Variants in PPM1E observed in about 807,000 individuals in gnomAD.
The protein encoded by PPM1E is protein phosphatase 1E.
In PPM1E, 20 loss-of-function variants were observed where a neutral mutation model predicts 65.9. That is an observed-to-expected ratio of 0.30 (90% CI 0.21 to 0.44). The LOEUF (loss-of-function observed/expected upper bound fraction) is 0.44, where lower values mean the gene tolerates loss of function less well. Ranked by LOEUF, PPM1E falls within the 20% of genes least tolerant of loss-of-function variation. The pLI, the probability that PPM1E is intolerant of heterozygous loss-of-function variation, is 1.00. For missense variants in PPM1E, 713 were observed against 953.1 expected (o/e 0.75, Z 3.32); for synonymous variants, 352 against 374.9 (o/e 0.94, Z 0.70).
chr17:58,818,841 C>T (rs1158464116), intron 1 of PPM1E, among the ~76,000 whole-genome samples: 1 of 152,174 alleles, frequency 6.6e-6, no homozygotes, highest in Non-Finnish European at 1.5e-5. Context: ...GTACTCAACA[C>T]GTATTTGCTG....
intron 1 of PPM1E, among the ~76,000 whole-genome samples, chr17:58,947,163 G>T (rs1328941760): frequency 9.1e-6 from 1 of 109,626 alleles, no homozygotes; most frequent in African/African-American, 3.6e-5. Context: ...TGTTGCCCAG[G>T]CTTGAGTGTG....
chr17:58,965,522 G>A (rs557360341), intron 2 of PPM1E, among the ~76,000 whole-genome samples, 172 bp from the exon 3 acceptor site: 1 of 152,236 alleles, frequency 6.6e-6, no homozygotes, highest in South Asian at 2.1e-4. Flanking sequence ...CCACTAGATA[G>A]GTTGTGATTT....
intron 1 of PPM1E, among the ~76,000 whole-genome samples, chr17:58,816,996 G>A (rs1054263389): frequency 4.6e-5 from 7 of 151,210 alleles, no homozygotes; most frequent in Non-Finnish European, 1.0e-4. Context: ...ATTTTGCCAT[G>A]TTGCCCAGGC....
intron 1 of PPM1E, among the ~76,000 whole-genome samples, chr17:58,891,317 A>ATTT (rs1372647275): frequency 1.3e-5 from 2 of 151,392 alleles, no homozygotes; most frequent in Non-Finnish European, 2.9e-5. Flanking sequence ...CTGCAAATGG[A>ATTT]TTTATTATTA....
chr17:58,860,953 A>G (rs924487034), intron 1 of PPM1E, among the ~76,000 whole-genome samples: 1 of 152,164 alleles, frequency 6.6e-6, no homozygotes, highest in Non-Finnish European at 1.5e-5. Context: ...AAAGAAAAAA[A>G]AAGCTAACAT....
In PPM1E at chr17:58,981,172, T is replaced by C. The variant is rs895889133; in HGVS notation, c.*141T>C. 1.3e-4 allele frequency: 83 copies of C among 644,992 alleles called. No homozygotes were observed. The highest frequency in any genetic ancestry group is 2.1e-5 in the Non-Finnish European group (8 of 388,768). 40.0% of individuals were successfully genotyped at this position (644,992 alleles called of 1,614,324 possible). A position where few individuals can be genotyped will look rare whatever the true frequency, so the allele number is the denominator to read the frequency against. On this transcript the variant is annotated 3_prime_UTR_variant, in exon 7 of 7. Coordinates refer to ENST00000308249, the MANE Select transcript of PPM1E (RefSeq NM_014906.5). The stretch of plus-strand genomic sequence containing the variant: ...CAATTCTTAAATGTAAATAGATCTC[T>C]AGGAAACTCAAAGTACAGTGTTTTC...
chr17:58,879,518 T>G (rs1384268698), intron 1 of PPM1E, among the ~76,000 whole-genome samples: 1 of 140,740 alleles, frequency 7.1e-6, no homozygotes, highest in Non-Finnish European at 1.5e-5. Context: ...TTTTTTTTTT[T>G]TTTTTTTTTG....
chr17:58,863,203 G>T (rs1396784534), intron 1 of PPM1E, among the ~76,000 whole-genome samples: 1 of 152,184 alleles, frequency 6.6e-6, no homozygotes, highest in Non-Finnish European at 1.5e-5. Context: ...GGTGGCTCAC[G>T]CCTGTAATCC....
At chr17:58,905,111 G>A (rs1386777690) in intron 1 of PPM1E, among the ~76,000 whole-genome samples, 1 of 152,028 alleles carries the variant, frequency 6.6e-6, no homozygotes, top group Non-Finnish European at 1.5e-5. Context: ...GGGGTTTTTT[G>A]ACTCTTTCAG....
At chr17:58,906,500 G>C (rs1012611062) in intron 1 of PPM1E, among the ~76,000 whole-genome samples, 1 of 151,984 alleles carries the variant, frequency 6.6e-6, no homozygotes, top group African/African-American at 2.4e-5. Context: ...CACCTGTCCA[G>C]CTAATTTTTG....
At chr17:58,810,504 C>G (rs911625614) in intron 1 of PPM1E, among the ~76,000 whole-genome samples, 2 of 152,066 alleles carry the variant, frequency 1.3e-5, no homozygotes, top group African/African-American at 4.8e-5. Flanking sequence ...TGCGCCCGGC[C>G]GCTGTGTACT....
intron 1 of PPM1E, among the ~76,000 whole-genome samples, chr17:58,779,464 T>G (rs2050031229): frequency 6.6e-6 from 1 of 152,114 alleles, no homozygotes; most frequent in South Asian, 2.1e-4. Context: ...TGAGCCACCA[T>G]GCCCAGCCTG....
intron 1 of PPM1E, among the ~76,000 whole-genome samples, chr17:58,842,859 A>G (rs2050733394): frequency 6.6e-6 from 1 of 152,178 alleles, no homozygotes; most frequent in Non-Finnish European, 1.5e-5. Flanking sequence ...AATCTCTTGA[A>G]CCTGGGAGGT....
chr17:58,892,036 A>G (rs1418558464), intron 1 of PPM1E, among the ~76,000 whole-genome samples: 2 of 151,862 alleles, frequency 1.3e-5, no homozygotes, highest in Non-Finnish European at 2.9e-5. Flanking sequence ...GCATTTTGCC[A>G]TGTTGGCCAG....
intron 1 of PPM1E, among the ~76,000 whole-genome samples, chr17:58,788,090 G>A (rs190312213): frequency 9.2e-5 from 14 of 151,734 alleles, no homozygotes; most frequent in African/African-American, 3.4e-4. Flanking sequence ...TTACTCTGTC[G>A]CCCAAGCTGG....
chr17:58,888,210 C>G (rs1031127196), intron 1 of PPM1E, among the ~76,000 whole-genome samples: 2 of 151,994 alleles, frequency 1.3e-5, no homozygotes, highest in East Asian at 1.9e-4. Context: ...CTGGAAGATA[C>G]AAATTTAAGC....
At chr17:58,770,033 A>AG (rs1266050103) in intron 1 of PPM1E, among the ~76,000 whole-genome samples, 5 of 151,840 alleles carry the variant, frequency 3.3e-5, no homozygotes, top group Admixed American at 3.3e-4. Context: ...TCTAAAAAAA[A>AG]CAACAACAAC....
chr17:58,892,817 CTT>C (rs2051364633), intron 1 of PPM1E, among the ~76,000 whole-genome samples: 1 of 152,122 alleles, frequency 6.6e-6, no homozygotes, highest in African/African-American at 2.4e-5. Flanking sequence ...AGTACAGACA[CTT>C]TACCAAAACA....
intron 1 of PPM1E, among the ~76,000 whole-genome samples, chr17:58,880,228 A>C (rs371470949): frequency 6.6e-6 from 1 of 152,202 alleles, no homozygotes; most frequent in Admixed American, 6.5e-5. Flanking sequence ...TGTCTTTCAC[A>C]TGGGAATTTC....
Sources: allele counts gnomAD v4.1 joint callset (sites outside exome capture counted in the v4.1 genomes callset), GRCh38; gene constraint gnomAD v4.1.1; transcripts MANE v1.5; gene names NCBI Gene and HGNC (gene_info 2026-07-23, HGNC 2026-07-21).